The following ARHGAP32 variants were observed in gnomAD, a reference collection of about 807,000 sequenced individuals.
The protein encoded by ARHGAP32 is rho GTPase-activating protein 32.
A neutral mutation model predicts 186.5 loss-of-function variants in ARHGAP32; 51 were observed. The observed-to-expected ratio is 0.27, with a 90% CI of 0.22 to 0.35. The LOEUF (loss-of-function observed/expected upper bound fraction) is 0.35. Among genes scored for constraint, ARHGAP32 ranks in the 10% least tolerant of loss-of-function variants. The pLI, the probability that ARHGAP32 is intolerant of heterozygous loss-of-function variation, is 1.00. For synonymous variants in ARHGAP32, 950 were observed against 964.3 expected, an observed-to-expected ratio of 0.99 and a Z score of 0.27; for missense variants, 2,186 against 2,623.5, an observed-to-expected ratio of 0.83 and a Z score of 3.64.
intron 1 of ARHGAP32, among the ~76,000 whole-genome samples, chr11:129,226,583 G>GA (rs1252240911): frequency 2.0e-5 from 3 of 152,032 alleles, no homozygotes; most frequent in East Asian, 1.9e-4. Flanking sequence ...ACAAAAAAGG[G>GA]AAAAAAGAAA....
At chr11:128,978,326 T>G (rs968795325) in intron 19 of ARHGAP32, among the ~76,000 whole-genome samples, 1 of 152,196 alleles carries the variant, frequency 6.6e-6, no homozygotes, top group African/African-American at 2.4e-5. Context: ...AATAGATTTA[T>G]TTGATCTAAT....
chr11:129,188,142 G>A (rs1029351464), intron 1 of ARHGAP32, among the ~76,000 whole-genome samples: 17 of 151,938 alleles, frequency 1.1e-4, no homozygotes, highest in Non-Finnish European at 2.9e-5. Context: ...TTTTAGTAGA[G>A]ACAGGGTTTC....
At chr11:129,200,354 T>C (rs1944442644) in intron 1 of ARHGAP32, among the ~76,000 whole-genome samples, 2 of 152,188 alleles carry the variant, frequency 1.3e-5, no homozygotes, top group African/African-American at 4.8e-5. Context: ...ACTCCCATAG[T>C]TCCCACACGT....
At chr11:129,031,496 A>C (rs751143676) in intron 11 of ARHGAP32, among the ~76,000 whole-genome samples, 17 of 152,350 alleles carry the variant, frequency 1.1e-4, no homozygotes, top group Admixed American at 2.0e-4. Flanking sequence ...TAACACCTGC[A>C]TTAAATCTAG....
intron 5 of ARHGAP32, among the ~76,000 whole-genome samples, chr11:129,111,310 G>A (rs1942205977): frequency 6.6e-6 from 1 of 152,044 alleles, no homozygotes; most frequent in Non-Finnish European, 1.5e-5. Flanking sequence ...ATGTGCTGTT[G>A]GATTCAGTTT....
At chr11:129,032,168 T>G (rs1939141749) in intron 11 of ARHGAP32, among the ~76,000 whole-genome samples, 1 of 152,190 alleles carries the variant, frequency 6.6e-6, no homozygotes, top group South Asian at 2.1e-4. Flanking sequence ...GAGTTAACAT[T>G]TGAGCCACCC....
At chr11:129,237,343 A>G (rs1457359047) in intron 1 of ARHGAP32, among the ~76,000 whole-genome samples, 1 of 147,046 alleles carries the variant, frequency 6.8e-6, no homozygotes, top group Non-Finnish European at 1.5e-5. Context: ...CATCAGTTAA[A>G]CAAATATTTA....
At chr11:129,137,071 G>A (rs1279925150) in intron 2 of ARHGAP32, among the ~76,000 whole-genome samples, 1 of 151,592 alleles carries the variant, frequency 6.6e-6, no homozygotes, top group Non-Finnish European at 1.5e-5. Context: ...CAATGGAATA[G>A]TCTTAGCTAT....
At chr11:129,177,499 G>A (rs1188271728) in intron 1 of ARHGAP32, among the ~76,000 whole-genome samples, 1 of 152,140 alleles carries the variant, frequency 6.6e-6, no homozygotes, top group Non-Finnish European at 1.5e-5. Context: ...GAGAATTTTA[G>A]ACCAATATCC....
intron 11 of ARHGAP32, among the ~76,000 whole-genome samples, chr11:129,012,574 C>T (rs1053541555): frequency 3.9e-5 from 6 of 152,038 alleles, no homozygotes; most frequent in Admixed American, 2.0e-4. Context: ...AGGGGATGCC[C>T]ACAGCTGAGG....
At chr11:129,030,823 T>C (rs1939081525) in intron 11 of ARHGAP32, among the ~76,000 whole-genome samples, 1 of 152,078 alleles carries the variant, frequency 6.6e-6, no homozygotes, top group South Asian at 2.1e-4. Context: ...TAGCAGGAGG[T>C]GTTTTGGTCA....
intron 5 of ARHGAP32, among the ~76,000 whole-genome samples, chr11:129,122,292 T>A (rs909454123): frequency 2.0e-5 from 3 of 151,848 alleles, no homozygotes; most frequent in Non-Finnish European, 4.4e-5. Context: ...CTCCTCACAA[T>A]GTTTACTGCC....
At chr11:129,079,918 T>C (rs1050011846) in intron 6 of ARHGAP32, among the ~76,000 whole-genome samples, 14 of 150,810 alleles carry the variant, frequency 9.3e-5, no homozygotes, top group South Asian at 4.1e-4. Context: ...AGATATTCCA[T>C]GCAAAGGGAC....
At chr11:128,971,215 T>A in intron 22 of ARHGAP32, 56 bp from the exon 23 acceptor site, 1 of 1,447,104 alleles carries the variant, frequency 6.9e-7, no homozygotes, top group Non-Finnish European at 9.4e-7. Context: ...ATGAATCAAG[T>A]ACTATTAAAT....
chr11:129,087,789 C>T (rs1941454179), intron 6 of ARHGAP32, among the ~76,000 whole-genome samples: 1 of 152,166 alleles, frequency 6.6e-6, no homozygotes, highest in Admixed American at 6.5e-5. Context: ...AAATGTACCA[C>T]TGTGGTGTGG....
chr11:129,160,799 A>G (rs1943513072), intron 2 of ARHGAP32, among the ~76,000 whole-genome samples: 1 of 152,174 alleles, frequency 6.6e-6, no homozygotes, highest in Non-Finnish European at 1.5e-5. Context: ...CAGAATTAGA[A>G]AAAACTACTT....
At chr11:129,032,428 G>GA in intron 11 of ARHGAP32, among the ~76,000 whole-genome samples, 1 of 152,258 alleles carries the variant, frequency 6.6e-6, no homozygotes, top group Admixed American at 6.5e-5. Flanking sequence ...ACCAAATGGA[G>GA]AAAAAATGAA....
chr11:129,124,722 A>C lies in ARHGAP32; in HGVS notation c.317+81T>G, dbSNP rs1025682905. The C allele has an allele frequency of 6.3e-6, 7 of 1,116,232 alleles. No individual in the cohort carries two copies. In the African/African-American group the frequency reaches 1.1e-4, roughly 18 times the overall value. The allele number at this position is 1,116,232 out of a possible 1,614,324, so 69.1% of individuals were successfully genotyped here. On this transcript the variant is annotated intron_variant, in intron 3 of 22. Coordinates refer to ENST00000682385, the MANE Select transcript of ARHGAP32 (RefSeq NM_001378024.1). ...AACAGCATATTTTTGTAAAAAGTCT[A>C]AATAAAAGTTTTAAGAGAATTGAAG...
chr11:129,183,291 T>C (rs1944093075), intron 1 of ARHGAP32, among the ~76,000 whole-genome samples: 1 of 152,122 alleles, frequency 6.6e-6, no homozygotes, highest in South Asian at 2.1e-4. Flanking sequence ...ACTACCCTTG[T>C]TCTTTTTCTT....
Sources: gnomAD v4.1 joint callset for allele counts (sites outside exome capture counted in the v4.1 genomes callset) on GRCh38, gnomAD v4.1.1 for gene constraint, MANE v1.5 for transcripts, NCBI Gene and HGNC (gene_info 2026-07-23, HGNC 2026-07-21) for gene names.